FBXL17: variants seen among roughly 807,000 people sequenced by gnomAD.
FBXL17 encodes F-box/LRR-repeat protein 17.
In FBXL17, 22 loss-of-function variants were observed where a neutral mutation model predicts 66.2. That is an observed-to-expected ratio of 0.33 (90% CI 0.24 to 0.47). The LOEUF is 0.47. FBXL17 is among the 20% of genes least tolerant of loss of function. The probability of loss-of-function intolerance (pLI) is 1.00; values close to 1 mark genes in which losing one functional copy is unlikely to be tolerated. For synonymous variants in FBXL17, 474 were observed against 400.5 expected, an observed-to-expected ratio of 1.18 and a Z score of -2.19; for missense variants, 878 against 948.2, an observed-to-expected ratio of 0.93 and a Z score of 0.97.
chr5:108,289,525 G>T (rs141454978), intron 4 of FBXL17, among the ~76,000 whole-genome samples: 1 of 152,014 alleles, frequency 6.6e-6, no homozygotes, highest in Non-Finnish European at 1.5e-5. Context: ...ATTATTGGCC[G>T]TTCATTAGGT....
intron 6 of FBXL17, among the ~76,000 whole-genome samples, chr5:108,105,242 A>C (rs986364656): frequency 3.3e-5 from 5 of 152,218 alleles, no homozygotes; most frequent in Non-Finnish European, 4.4e-5. Flanking sequence ...TTCTTGGAGA[A>C]GGCGCAACTG....
At position 107,895,730 on chromosome 5, in the gene FBXL17, A is replaced by G. The variant is rs374892116; in HGVS notation, c.1823-14551T>C. On this transcript the variant is annotated intron_variant, in intron 7 of 8. Coordinates refer to ENST00000542267, the MANE Select transcript of FBXL17 (RefSeq NM_001163315.3). ...CTTCTTTGATTGACCGGGGTTGGTT[A>G]TCTGTTGGGAATATGGGGAAGTGAT... Among the ~76,000 whole-genome samples, 3 of 152,232 alleles carry G rather than the reference A, an allele frequency of 2.0e-5. No individual in the cohort carries two copies. The East Asian group carries it at 5.8e-4, about 29-fold the overall frequency.
chr5:107,913,708 G>A (rs1423847904), intron 7 of FBXL17, among the ~76,000 whole-genome samples: 1 of 152,128 alleles, frequency 6.6e-6, no homozygotes, highest in Non-Finnish European at 1.5e-5. Context: ...TAACATCTAA[G>A]AACAGCATTT....
At chr5:108,242,933 C>G (rs1466524998) in intron 4 of FBXL17, among the ~76,000 whole-genome samples, 1 of 151,966 alleles carries the variant, frequency 6.6e-6, no homozygotes, top group Non-Finnish European at 1.5e-5. Context: ...AAAATTTTAC[C>G]ACAGCTTTAT....
Position 108,380,838 on chromosome 5 carries a change from G to A in FBXL17, c.854C>T (p.Ala285Val). 3 of 1,247,426 alleles carry A rather than the reference G, an allele frequency of 2.4e-6. No individual in the cohort carries two copies. The highest frequency in any genetic ancestry group is 6.3e-5 in the East Asian group (2 of 31,660). The allele number at this position is 1,247,426 out of a possible 1,614,324, so 77.3% of individuals were successfully genotyped here. A position where few individuals can be genotyped will look rare whatever the true frequency, so the allele number is the denominator to read the frequency against. The change falls in exon 1 of 9, where the codon GCC becomes GTC. Residue 285 changes from alanine (A) to valine (V), a missense_variant. Physicochemically the swap from Ala to Val is moderately conservative, Grantham distance 64. Transcript: ENST00000542267. Reference sequence around the variant, plus strand: ...ATGCTGCTGCTGGGCGGACAAGGGGGCGGTGCCCCCGGCTCGGACAGCGTC... The same window carrying A: ...ATGCTGCTGCTGGGCGGACAAGGGGACGGTGCCCCCGGCTCGGACAGCGTC... ...GGDAVRAGGT[A>V]PLSAQQQHEC...
chr5:108,159,521 A>G (rs1752127272), intron 6 of FBXL17, among the ~76,000 whole-genome samples: 1 of 152,178 alleles, frequency 6.6e-6, no homozygotes, highest in Non-Finnish European at 1.5e-5. Flanking sequence ...CCAAAGAGGT[A>G]GTTCCTTCCT....
rs1456052737 is a variant in FBXL17, at chr5:107,871,069, A to AAAAAAAAAAAAAAAC, written c.1966-9210_1966-9209insGTTTTTTTTTTTTTT. The stretch of plus-strand genomic sequence containing the variant: ...TACTCTTGGGCGGCAAAAAAAAAAA[A>AAAAAAAAAAAAAAAC]AAAAAAAAAACCTCATCTAAAAATC... On this transcript the variant is annotated intron_variant, in intron 8 of 8. Transcript: ENST00000542267. Among the ~76,000 whole-genome samples the AAAAAAAAAAAAAAAC allele has an allele frequency of 4.5e-3, 588 of 129,998 alleles. 28 individuals carry two copies. Among genetic ancestry groups the AAAAAAAAAAAAAAAC allele is most frequent in the African/African-American group, 8.5e-3 (265 of 31,042 alleles). The allele number at this position is 129,998 out of a possible 152,430, so 85.3% of individuals were successfully genotyped here. A position where few individuals can be genotyped will look rare whatever the true frequency, so the allele number is the denominator to read the frequency against.
intron 4 of FBXL17, among the ~76,000 whole-genome samples, chr5:108,232,811 T>TATAATATAA (rs1755424799): frequency 1.3e-5 from 1 of 75,060 alleles, no homozygotes; most frequent in Non-Finnish European, 3.1e-5. Context: ...ATATAATATA[T>TATAATATAA]ACTATTAGTT....
chr5:108,025,125 G>A (rs1754751799), intron 6 of FBXL17, among the ~76,000 whole-genome samples: 2 of 152,118 alleles, frequency 1.3e-5, no homozygotes, highest in African/African-American at 4.8e-5. Context: ...GAGGAAATAT[G>A]ACTACATCGC....
chr5:108,354,531 C>T (rs150015225), intron 3 of FBXL17, among the ~76,000 whole-genome samples: 21 of 151,572 alleles, frequency 1.4e-4, no homozygotes, highest in African/African-American at 4.6e-4. Context: ...AAAGTGAATA[C>T]CAAGAAAAGA....
chr5:108,124,555 A>G (rs557255911), intron 6 of FBXL17, among the ~76,000 whole-genome samples: 1 of 152,238 alleles, frequency 6.6e-6, no homozygotes, highest in South Asian at 2.1e-4. Context: ...CCAGACTACT[A>G]CAATATGCAA....
chr5:108,352,636 G>A (rs948621585), intron 3 of FBXL17, among the ~76,000 whole-genome samples: 6 of 151,654 alleles, frequency 4.0e-5, no homozygotes, highest in Non-Finnish European at 7.4e-5. Context: ...TCAGCCTCCC[G>A]AGTAGCTGGG....
chr5:108,219,640 T>C (rs2150070818), intron 5 of FBXL17, among the ~76,000 whole-genome samples: 1 of 151,916 alleles, frequency 6.6e-6, no homozygotes, highest in Non-Finnish European at 1.5e-5. Context: ...TGAGCCAAGA[T>C]CCCATTACAC....
chr5:107,945,469 T>A (rs1418381862), intron 7 of FBXL17, among the ~76,000 whole-genome samples: 1 of 152,102 alleles, frequency 6.6e-6, no homozygotes, highest in African/African-American at 2.4e-5. Context: ...TAAATGCCCA[T>A]CAATGTGAGA....
intron 7 of FBXL17, among the ~76,000 whole-genome samples, chr5:107,968,271 G>C (rs978648500): frequency 6.6e-6 from 1 of 152,074 alleles, no homozygotes; most frequent in African/African-American, 2.4e-5. Flanking sequence ...GATAGAGCTA[G>C]GATTTGAACA....
Position 108,326,429 on chromosome 5 carries a change from C to A in FBXL17, c.1506+21970G>T, listed in dbSNP as rs146568615. Among the ~76,000 whole-genome samples, 417 of 150,000 alleles carry A rather than the reference C, an allele frequency of 2.8e-3. 4 individuals are homozygous for A. Among genetic ancestry groups the A allele is most frequent in the African/African-American group, 1.0e-2 (395 of 39,682 alleles). On this transcript the variant is annotated intron_variant, in intron 4 of 8. Coordinates refer to ENST00000542267, the MANE Select transcript of FBXL17 (RefSeq NM_001163315.3). ...CCAATATGGTGAAACCCTGTCTCTA[C>A]TAAAAATAAAAATTAAAAAAAAAAT...
chr5:108,154,329 C>T (rs1751884811), intron 6 of FBXL17, among the ~76,000 whole-genome samples: 2 of 148,228 alleles, frequency 1.3e-5, no homozygotes, highest in South Asian at 4.3e-4. Context: ...CATGGTGGCT[C>T]ACGCCTGTAA....
intron 8 of FBXL17, among the ~76,000 whole-genome samples, chr5:107,864,671 A>ACT (rs1371562516): frequency 6.6e-6 from 1 of 151,402 alleles, no homozygotes; most frequent in East Asian, 1.9e-4. Context: ...ACCTCCCCCA[A>ACT]CTCTCTCTCT....
At chr5:107,986,418 G>A (rs1472612092) in intron 7 of FBXL17, among the ~76,000 whole-genome samples, 2 of 151,508 alleles carry the variant, frequency 1.3e-5, no homozygotes, top group Non-Finnish European at 3.0e-5. Flanking sequence ...TTAAACAAAT[G>A]TTAGAACAAC....
Sources: allele counts gnomAD v4.1 joint callset (sites outside exome capture counted in the v4.1 genomes callset), GRCh38; gene constraint gnomAD v4.1.1; transcripts MANE v1.5; gene names NCBI Gene and HGNC (gene_info 2026-07-23, HGNC 2026-07-21).